Variants in CAST observed in about 807,000 individuals in gnomAD.
CAST encodes the protein calpastatin.
A neutral mutation model predicts 119.6 loss-of-function variants in CAST; 76 were observed. The observed-to-expected ratio is 0.64, with a 90% confidence interval of 0.53 to 0.77. The LOEUF (loss-of-function observed/expected upper bound fraction) is 0.77, where lower values mean the gene tolerates loss of function less well. CAST is among the 30% of genes least tolerant of loss of function. The pLI, the probability that CAST is intolerant of heterozygous loss-of-function variation, is 0.00. For synonymous variants in CAST, 319 were observed against 331.6 expected, an observed-to-expected ratio of 0.96 and a Z score of 0.41; for missense variants, 953 against 946.5, an observed-to-expected ratio of 1.01 and a Z score of -0.09.
At chr5:96,265,757 C>T in the CAST span, among the ~76,000 whole-genome samples, 161 of 152,276 alleles carry the variant, frequency 1.1e-3, no homozygotes, top group Non-Finnish European at 2.5e-4. Flanking sequence ...CAGTGTAGTA[C>T]ACACTGTGGT....
intron 1 of CAST, among the ~76,000 whole-genome samples, chr5:96,576,623 G>A (rs1746675888): frequency 6.6e-6 from 1 of 151,964 alleles, no homozygotes; most frequent in African/African-American, 2.4e-5. Context: ...GGGATTACAG[G>A]TGTGAGCCAC....
At chr5:96,569,171 G>A (rs1462741122) in intron 1 of CAST, among the ~76,000 whole-genome samples, 4 of 152,148 alleles carry the variant, frequency 2.6e-5, no homozygotes, top group Non-Finnish European at 5.9e-5. Flanking sequence ...TGCTGAAGTA[G>A]ACATTCAAAA....
At chr5:96,559,846 A>G (rs1227630544) in intron 1 of CAST, among the ~76,000 whole-genome samples, 1 of 152,174 alleles carries the variant, frequency 6.6e-6, no homozygotes, top group Non-Finnish European at 1.5e-5. Context: ...CAGAATTGGA[A>G]AAAACTACTT....
At chr5:96,676,600 T>C (rs1750738203) in intron 2 of CAST, among the ~76,000 whole-genome samples, 1 of 152,166 alleles carries the variant, frequency 6.6e-6, no homozygotes, top group South Asian at 2.1e-4. Flanking sequence ...AGCAAGTTTT[T>C]AGTGAATTTT....
the CAST span, among the ~76,000 whole-genome samples, chr5:96,145,350 C>T: frequency 1.3e-5 from 2 of 152,034 alleles, no homozygotes; most frequent in Non-Finnish European, 2.9e-5. Flanking sequence ...TGACTCCTCC[C>T]TTAACTAAAC....
At chr5:96,092,964 T>C in the CAST span, among the ~76,000 whole-genome samples, 2 of 152,200 alleles carry the variant, frequency 1.3e-5, no homozygotes, top group Non-Finnish European at 2.9e-5. Context: ...TCGGCGATTT[T>C]TCCAATTCAC....
chr5:96,632,048 T>C (rs1241299548), intron 1 of CAST, among the ~76,000 whole-genome samples: 1 of 151,658 alleles, frequency 6.6e-6, no homozygotes, highest in East Asian at 1.9e-4. Flanking sequence ...ATTATTATTA[T>C]AGCTATCCTA....
chr5:96,407,617 C>T, the CAST span, among the ~76,000 whole-genome samples: 2 of 152,108 alleles, frequency 1.3e-5, no homozygotes, highest in African/African-American at 4.8e-5. Flanking sequence ...AGGAAATTGT[C>T]AGAGATGACA....
the CAST span, among the ~76,000 whole-genome samples, chr5:96,401,064 G>T: frequency 1.6e-5 from 2 of 122,942 alleles, no homozygotes; most frequent in Non-Finnish European, 3.2e-5. Context: ...TCCGGCCTGG[G>T]CTAAAGAGCG....
intron 1 of CAST, among the ~76,000 whole-genome samples, chr5:96,584,176 A>G (rs1460899713): frequency 6.6e-6 from 1 of 152,222 alleles, no homozygotes; most frequent in African/African-American, 2.4e-5. Flanking sequence ...TTGGATGATC[A>G]GGCATTTGTT....
At chr5:96,103,670 T>A in the CAST span, among the ~76,000 whole-genome samples, 8 of 151,902 alleles carry the variant, frequency 5.3e-5, no homozygotes, top group African/African-American at 1.9e-4. Flanking sequence ...TACGTGTGCA[T>A]GTGTCTTTAT....
the CAST span, among the ~76,000 whole-genome samples, chr5:96,310,182 C>G: frequency 1.3e-5 from 2 of 152,198 alleles, no homozygotes; most frequent in Non-Finnish European, 2.9e-5. Flanking sequence ...CATCTGATGA[C>G]ATGATTATAT....
the CAST span, among the ~76,000 whole-genome samples, chr5:96,419,043 T>C: frequency 6.6e-6 from 1 of 152,014 alleles, no homozygotes; most frequent in Non-Finnish European, 1.5e-5. Flanking sequence ...CATATATATG[T>C]GTATGTCCAA....
chr5:96,257,618 G>A, the CAST span, among the ~76,000 whole-genome samples: 2 of 152,192 alleles, frequency 1.3e-5, no homozygotes, highest in Non-Finnish European at 2.9e-5. Context: ...ATTCTCATGA[G>A]CCTTCTCCTA....
chr5:95,963,948 G>T, the CAST span, among the ~76,000 whole-genome samples: 11 of 152,074 alleles, frequency 7.2e-5, no homozygotes, highest in African/African-American at 2.4e-5. Context: ...GAGGAGTAAG[G>T]ATGGTTTTCG....
the CAST span, among the ~76,000 whole-genome samples, chr5:96,102,521 G>A: frequency 6.6e-6 from 1 of 152,174 alleles, no homozygotes; most frequent in Non-Finnish European, 1.5e-5. Context: ...GAGAGAGCAG[G>A]CAAATAGGGA....
the CAST span, among the ~76,000 whole-genome samples, chr5:96,389,134 T>C: frequency 1.3e-5 from 2 of 152,172 alleles, no homozygotes; most frequent in African/African-American, 4.8e-5. Flanking sequence ...GGTCAAATAG[T>C]ATAATGTTGT....
At chr5:96,311,467 C>T in the CAST span, among the ~76,000 whole-genome samples, 1 of 151,976 alleles carries the variant, frequency 6.6e-6, no homozygotes, top group African/African-American at 2.4e-5. Context: ...TCCAATGTTT[C>T]CACATGTCCA....
chr5:96,245,275 T>G, the CAST span, among the ~76,000 whole-genome samples: 2 of 152,200 alleles, frequency 1.3e-5, no homozygotes, highest in African/African-American at 4.8e-5. Flanking sequence ...AGTAAGGTTT[T>G]AGACACACTT....
Sources: gnomAD v4.1 joint callset for allele counts (sites outside exome capture counted in the v4.1 genomes callset) on GRCh38, gnomAD v4.1.1 for gene constraint, MANE v1.5 for transcripts, NCBI Gene and HGNC (gene_info 2026-07-23, HGNC 2026-07-21) for gene names.